Variants in NBPF15 observed in about 807,000 individuals in gnomAD.
NBPF15 encodes NBPF member 15.
Under a neutral mutation model 62.2 loss-of-function variants are expected in NBPF15, and 74 were observed. That is an observed-to-expected ratio of 1.19 (90% CI 0.99 to 1.44). The LOEUF is 1.44. Ranked by LOEUF, NBPF15 falls within the 40% of genes most tolerant of loss-of-function variation. The probability of loss-of-function intolerance (pLI) is 0.00; values close to 1 mark genes in which losing one functional copy is unlikely to be tolerated. For synonymous variants in NBPF15, 244 were observed against 209.7 expected (o/e 1.16, Z -1.41); for missense variants, 790 against 550.0 (o/e 1.44, Z -4.36).
intron 3 of NBPF15, among the ~76,000 whole-genome samples, chr1:144,457,278 G>T (rs1470137715): frequency 6.6e-6 from 1 of 152,088 alleles, no homozygotes; most frequent in Non-Finnish European, 1.5e-5. Context: ...TTATGAGTGT[G>T]TGGGTGTAGT....
Position 144,435,212 on chromosome 1 carries a change from T to G in NBPF15, c.671A>C (p.His224Pro). 1 of 1,613,102 alleles carries G rather than the reference T, an allele frequency of 6.2e-7. No homozygotes were observed. The highest frequency in any genetic ancestry group is 1.1e-5 in the South Asian group (1 of 91,026). Reference protein sequence around the residue: ...SHGPYDSNQPHKKTKITFEED... With the variant: ...SHGPYDSNQPPKKTKITFEED... ...CTCAAATGTGATTTTGGTTTTCTTA[T>G]GTGGCTGGTTGGAGTCATAAGGGCC... The change falls in exon 12 of 22, where the codon CAT becomes CCT. Residue 224 changes from histidine to proline, a missense_variant. Physicochemically the swap from His to Pro is moderately conservative, Grantham distance 77. Coordinates refer to ENST00000581897, the MANE Select transcript of NBPF15 (RefSeq NM_001385408.1).
At chr1:144,442,235 T>TG (rs1263278473) in intron 6 of NBPF15, among the ~76,000 whole-genome samples, 4 of 117,980 alleles carry the variant, frequency 3.4e-5, no homozygotes, top group Admixed American at 9.5e-5. Flanking sequence ...ATATTAATAA[T>TG]ATATATTATT....
In NBPF15 at chr1:144,422,791, T is replaced by C; in HGVS notation, c.*222A>G. ...AATGTCTGACTGATCACTCCCGGCA[T>C]GTTCTGCACAGTTATGTGAACGTGT... On this transcript the variant is annotated 3_prime_UTR_variant, in exon 22 of 22. Coordinates refer to ENST00000581897, the MANE Select transcript of NBPF15 (RefSeq NM_001385408.1). 2 of 1,131,568 alleles carry C rather than the reference T, an allele frequency of 1.8e-6. No individual in the cohort carries two copies. The highest frequency in any genetic ancestry group is 1.6e-5 in the South Asian group (1 of 63,996). The allele number at this position is 1,131,568 out of a possible 1,614,324, so 70.1% of individuals were successfully genotyped here.
chr1:144,422,904 A>T lies in NBPF15; in HGVS notation c.*109T>A, dbSNP rs1553538451. The T allele has an allele frequency of 1.2e-6, 2 of 1,608,822 alleles. No homozygotes were observed. Among genetic ancestry groups the T allele is most frequent in the Non-Finnish European group, 1.7e-6 (2 of 1,178,336 alleles). ...AATAGGAATAGAGCCATGCTCACTG[A>T]CCCATCCTATGTCTGGGCTTCCAAA... is the stretch of plus-strand genomic sequence containing the variant. On this transcript the variant is annotated 3_prime_UTR_variant, in exon 22 of 22. Coordinates refer to ENST00000581897, the MANE Select transcript of NBPF15 (RefSeq NM_001385408.1).
rs1315879133 is a variant in NBPF15 at position 144,426,403 on chromosome 1, T to A, written c.1313A>T (p.Asp438Val). ...LDEKEPEVLQDSLDRCYSTPS... is the reference protein window; with the variant it reads ...LDEKEPEVLQVSLDRCYSTPS... ...AGTCGAATAACATCTATCCAGTGAG[T>A]CCTGCAAGACTTCAGGCTCTTTCTC... Residue 438 changes from aspartate to valine, a missense_variant, in exon 18 of 22, where the codon GAC becomes GTC. Coordinates refer to ENST00000581897, the MANE Select transcript of NBPF15 (RefSeq NM_001385408.1). The A allele has an allele frequency of 2.4e-6, 2 of 816,528 alleles. No homozygotes were observed. The highest frequency in any genetic ancestry group is 1.7e-5 in the Admixed American group (1 of 58,790). 50.6% of individuals were successfully genotyped at this position (816,528 alleles called of 1,614,324 possible). A position where few individuals can be genotyped will look rare whatever the true frequency, so the allele number is the denominator to read the frequency against.
At chr1:144,434,853 C>G (rs1465577600) in intron 12 of NBPF15, among the ~76,000 whole-genome samples, 5 of 151,978 alleles carry the variant, frequency 3.3e-5, no homozygotes, top group African/African-American at 1.2e-4. Context: ...GGAGGCCTGA[C>G]AGATATGGCC....
At chr1:144,461,223 C>T (rs1284529454) in intron 1 of NBPF15, among the ~76,000 whole-genome samples, 158 bp downstream of exon 1, 2 of 152,164 alleles carry the variant, frequency 1.3e-5, no homozygotes, top group South Asian at 2.1e-4. Context: ...CGGGCGGCAG[C>T]GGCAAGCGAG....
At chr1:144,455,113 AAGGGAGGG>A (rs1301147506) in intron 4 of NBPF15, among the ~76,000 whole-genome samples, 10 of 133,232 alleles carry the variant, frequency 7.5e-5, no homozygotes, top group Non-Finnish European at 1.5e-4. Context: ...GGAAGGAAGG[AAGGGAGGG>A]AGGAAGGGAG....
intron 8 of NBPF15, among the ~76,000 whole-genome samples, chr1:144,439,476 A>G (rs1216651310): frequency 1.3e-5 from 2 of 152,014 alleles, no homozygotes; most frequent in African/African-American, 4.8e-5. Context: ...TCAGACATTT[A>G]GAACAACAGA....
intron 6 of NBPF15, among the ~76,000 whole-genome samples, chr1:144,445,358 C>T (rs1442899649): frequency 0.023 from 2,116 of 90,928 alleles, 26 homozygotes; most frequent in African/African-American, 0.068. Flanking sequence ...TATATATACA[C>T]ACACACACAC....
intron 4 of NBPF15, among the ~76,000 whole-genome samples, chr1:144,456,303 C>A (rs1372213866): frequency 6.6e-6 from 1 of 151,984 alleles, no homozygotes; most frequent in African/African-American, 2.4e-5. Flanking sequence ...GGAGAGAACA[C>A]TCTCCTCTCC....
At chr1:144,438,994 TTA>T (rs1395571996) in intron 8 of NBPF15, among the ~76,000 whole-genome samples, 7 of 151,212 alleles carry the variant, frequency 4.6e-5, no homozygotes, top group African/African-American at 1.5e-4. Context: ...ATTATTATTA[TTA>T]TTTTTTTTTA....
At position 144,422,884 on chromosome 1, in the gene NBPF15, G is replaced by A; in HGVS notation, c.*129C>T. On this transcript the variant is annotated 3_prime_UTR_variant, in exon 22 of 22. Transcript: ENST00000581897. ...TGCCAATGGCATGGTTTGAGAATAG[G>A]AATAGAGCCATGCTCACTGACCCAT... The A allele has an allele frequency of 1.1e-5, 17 of 1,598,894 alleles. No homozygotes were observed. The highest frequency in any genetic ancestry group is 1.4e-5 in the Non-Finnish European group (17 of 1,173,510).
At chr1:144,428,936 T>A (rs1174933008) in intron 14 of NBPF15, among the ~76,000 whole-genome samples, 1 of 152,052 alleles carries the variant, frequency 6.6e-6, no homozygotes, top group African/African-American at 2.4e-5. Flanking sequence ...TTTTCCCCAA[T>A]AAATTGTAGG....
intron 4 of NBPF15, among the ~76,000 whole-genome samples, chr1:144,455,144 G>A (rs1317891478): frequency 2.7e-5 from 4 of 148,376 alleles, no homozygotes; most frequent in Non-Finnish European, 3.0e-5. Flanking sequence ...AGGAAGAAAA[G>A]GAGGGAGGGA....
intron 4 of NBPF15, among the ~76,000 whole-genome samples, chr1:144,451,110 G>T (rs1253351606): frequency 6.6e-6 from 1 of 151,838 alleles, no homozygotes; most frequent in Non-Finnish European, 1.5e-5. Context: ...GGGGGATGTG[G>T]CAGGACAATA....
Position 144,442,301 on chromosome 1 carries a change from T to G in NBPF15, c.-190-2006A>C, listed in dbSNP as rs797028225. ...TACACGTGTATATATTATATATATA[T>G]ATACACGTGTATATATTATATATAT... On this transcript the variant is annotated intron_variant, in intron 6 of 21. Coordinates refer to ENST00000581897, the MANE Select transcript of NBPF15 (RefSeq NM_001385408.1). Among the ~76,000 whole-genome samples, 178 of 128,698 alleles carry G rather than the reference T, an allele frequency of 1.4e-3. 2 individuals carry two copies. The South Asian group carries it at 0.017, about 12-fold the overall frequency. The allele number at this position is 128,698 out of a possible 152,430, so 84.4% of individuals were successfully genotyped here.
At chr1:144,424,444 T>C (rs1668113017) in intron 20 of NBPF15, among the ~76,000 whole-genome samples, 1 of 151,980 alleles carries the variant, frequency 6.6e-6, no homozygotes, top group East Asian at 1.9e-4. Flanking sequence ...CCAGGTCCAA[T>C]GTCATGAGAG....
intron 6 of NBPF15, among the ~76,000 whole-genome samples, chr1:144,444,107 T>C (rs1437703092): frequency 1.3e-5 from 2 of 151,942 alleles, no homozygotes; most frequent in Non-Finnish European, 2.9e-5. Context: ...CCATGTATGT[T>C]TGTACTTTCA....
Sources: allele counts gnomAD v4.1 joint callset (sites outside exome capture counted in the v4.1 genomes callset), GRCh38; gene constraint gnomAD v4.1.1; transcripts MANE v1.5; gene names NCBI Gene and HGNC (gene_info 2026-07-23, HGNC 2026-07-21).